The following MS4A1 variants were observed in gnomAD, a reference collection of about 807,000 sequenced individuals.
MS4A1 encodes the protein membrane spanning 4-domains A1.
A neutral mutation model predicts 26.5 loss-of-function variants in MS4A1; 16 were observed. That is an observed-to-expected ratio of 0.60 (90% CI 0.41 to 0.92). The LOEUF (loss-of-function observed/expected upper bound fraction) is 0.92. MS4A1 is among the 40% of genes least tolerant of loss of function. MS4A1 has a pLI of 0.00. For missense variants in MS4A1, 350 were observed against 353.0 expected, an observed-to-expected ratio of 0.99 and a Z score of 0.07; for synonymous variants, 128 against 117.6, an observed-to-expected ratio of 1.09 and a Z score of -0.57.
intron 1 of MS4A1, among the ~76,000 whole-genome samples, chr11:60,457,324 C>T (rs1190734330): frequency 6.6e-6 from 1 of 151,908 alleles, no homozygotes; most frequent in Non-Finnish European, 1.5e-5. Flanking sequence ...ATTCCAAAGG[C>T]CTTGAGGGGT....
chr11:60,462,000 C>T (rs573068366), intron 2 of MS4A1, among the ~76,000 whole-genome samples, 185 bp from the exon 3 acceptor site: 7 of 152,318 alleles, frequency 4.6e-5, no homozygotes, highest in African/African-American at 1.7e-4. Flanking sequence ...ATTGAAAATA[C>T]ATTTTTCAAT....
intron 1 of MS4A1, among the ~76,000 whole-genome samples, chr11:60,459,801 C>A (rs1251957315): frequency 6.6e-6 from 1 of 152,116 alleles, no homozygotes; most frequent in Non-Finnish European, 1.5e-5. Flanking sequence ...ACAGATAATA[C>A]TTTTCAACTG....
At chr11:60,459,824 T>C (rs1211271646) in intron 1 of MS4A1, among the ~76,000 whole-genome samples, 1 of 152,154 alleles carries the variant, frequency 6.6e-6, no homozygotes, top group Non-Finnish European at 1.5e-5. Context: ...TTATAGTCAT[T>C]CACATAGTGC....
At position 60,464,361 on chromosome 11, in the gene MS4A1, C is replaced by G. The variant is rs775881428; in HGVS notation, c.336+17C>G. The G allele has an allele frequency of 2.5e-6, 4 of 1,609,356 alleles. No individual in the cohort carries two copies. The Admixed American group carries it at 6.7e-5, about 27-fold the overall frequency. ...AAGTGTTTGGCAAGTAACCATATGT[C>G]CTTCTTTCCCACATGTCAGAGAAGT... is the stretch of plus-strand genomic sequence containing the variant. On this transcript the variant is annotated intron_variant, in intron 5 of 7. Transcript: ENST00000345732.
chr11:60,462,308 C>T lies in MS4A1; in HGVS notation c.-67C>T, dbSNP rs1158466516. 2 of 1,578,630 alleles carry T rather than the reference C, an allele frequency of 1.3e-6. No individual in the cohort carries two copies. Among genetic ancestry groups the T allele is most frequent in the African/African-American group, 1.3e-5 (1 of 74,314 alleles). ...AGATGCATGACACAAGGTAAGACTG[C>T]CAAAAATCTTGTTCTTGCTCTCCTC... On this transcript the variant is annotated 5_prime_UTR_variant, in exon 3 of 8. Coordinates refer to ENST00000345732, the MANE Select transcript of MS4A1 (RefSeq NM_152866.3).
In MS4A1 at chr11:60,470,018, G is replaced by A. The variant is rs1435669015; in HGVS notation, c.*1550G>A. 2 of 152,034 alleles carry A rather than the reference G, an allele frequency of 1.3e-5. No homozygotes were observed. The highest frequency in any genetic ancestry group is 2.4e-5 in the African/African-American group (1 of 41,432). 9.4% of individuals were successfully genotyped at this position (152,034 alleles called of 1,614,324 possible). On this transcript the variant is annotated 3_prime_UTR_variant, in exon 8 of 8. Coordinates refer to ENST00000345732, the MANE Select transcript of MS4A1 (RefSeq NM_152866.3). ...TGTCTATGTAAAGTTCTCAAAATTT[G>A]TTCTAAATTAATAAAACTATCTTTG...
In MS4A1 at chr11:60,468,257, T is replaced by C. The variant is rs2086311281; in HGVS notation, c.683T>C (p.Val228Ala). Residue 228 changes from valine to alanine, a missense_variant, in exon 8 of 8, where the codon GTT becomes GCT. Coordinates refer to ENST00000345732, the MANE Select transcript of MS4A1 (RefSeq NM_152866.3). ...TTTAATTTTCTGTTTTAGAACATAG[T>C]TCTCCTGTCAGCAGAAGAAAAAAAA... ...RTCSRPKSNI[V>A]LLSAEEKKEQ... 1.9e-6 allele frequency: 3 copies of C among 1,611,652 alleles called. No individual in the cohort carries two copies. The highest frequency in any genetic ancestry group is 2.5e-6 in the Non-Finnish European group (3 of 1,178,412).
At chr11:60,460,771 C>T (rs1350022617) in intron 1 of MS4A1, among the ~76,000 whole-genome samples, 1 of 149,058 alleles carries the variant, frequency 6.7e-6, no homozygotes, top group Admixed American at 7.8e-5. Flanking sequence ...TGGAAAGGGC[C>T]GTATTAATTG....
At position 60,468,777 on chromosome 11, in the gene MS4A1, T is replaced by A. The variant is rs574741004; in HGVS notation, c.*309T>A. On this transcript the variant is annotated 3_prime_UTR_variant, in exon 8 of 8. Coordinates refer to ENST00000345732, the MANE Select transcript of MS4A1 (RefSeq NM_152866.3). Reference sequence around the variant, plus strand: ...GGATAGGCTTTTTAGTATAGTATTTTTTTTTGTCATTTTCTCCATCAACAA... The same window carrying A: ...GGATAGGCTTTTTAGTATAGTATTTATTTTTGTCATTTTCTCCATCAACAA... 9 of 305,860 alleles carry A rather than the reference T, an allele frequency of 2.9e-5. No individual in the cohort carries two copies. The East Asian group carries it at 5.9e-4, about 20-fold the overall frequency. The allele number at this position is 305,860 out of a possible 1,614,324, so 18.9% of individuals were successfully genotyped here.
In MS4A1 at chr11:60,462,503, C is replaced by T; in HGVS notation, c.129C>T (p.Ser43=). 1 of 1,614,212 alleles carries T rather than the reference C, an allele frequency of 6.2e-7. No homozygotes were observed. Among genetic ancestry groups the T allele is most frequent in the South Asian group, 1.1e-5 (1 of 91,078 alleles). Residue 43 remains serine (S), a synonymous_variant, in exon 3 of 8, where the codon AGC becomes AGT. Transcript: ENST00000345732. The part of the protein sequence containing the change: ...RMSSLVGPTQ[S]FFMRESKTLG... ...CTTCACTGGTGGGCCCCACGCAAAG[C>T]TTCTTCATGAGGGAATCTAAGACTT...
chr11:60,458,739 A>C (rs973859444), intron 1 of MS4A1, among the ~76,000 whole-genome samples: 2 of 152,206 alleles, frequency 1.3e-5, no homozygotes, highest in African/African-American at 4.8e-5. Flanking sequence ...ATGGAACGAA[A>C]GCTTTTCATT....
chr11:60,467,178 A>G (rs1200373270), intron 7 of MS4A1, 118 bp downstream of exon 7: 1 of 866,858 alleles, frequency 1.2e-6, no homozygotes, highest in Admixed American at 2.1e-5. Flanking sequence ...TTTAAAAAAA[A>G]AAATTGGTCT....
chr11:60,457,390 A>G (rs1270426931), intron 1 of MS4A1, among the ~76,000 whole-genome samples: 1 of 152,214 alleles, frequency 6.6e-6, no homozygotes, highest in Non-Finnish European at 1.5e-5. Flanking sequence ...GTTCAGGCTC[A>G]GGAAGAGCAT....
chr11:60,461,968 GC>G (rs1350557341), intron 2 of MS4A1, among the ~76,000 whole-genome samples: 4 of 152,154 alleles, frequency 2.6e-5, no homozygotes, highest in Non-Finnish European at 1.5e-5. Context: ...AGGCAGATAA[GC>G]AAAAGGACAA....
intron 6 of MS4A1, 97 bp downstream of exon 6, chr11:60,466,254 G>A (rs2086290896): frequency 1.0e-6 from 1 of 982,694 alleles, no homozygotes; most frequent in African/African-American, 1.6e-5. Flanking sequence ...GACCACCTGA[G>A]TTTGCTAGTT....
chr11:60,467,843 T>TA (rs2135204572), intron 7 of MS4A1, among the ~76,000 whole-genome samples: 1 of 152,298 alleles, frequency 6.6e-6, no homozygotes, highest in South Asian at 2.1e-4. Flanking sequence ...ACCAGACTGT[T>TA]AGATTTAGAA....
At chr11:60,456,695 C>T (rs35454760) in intron 1 of MS4A1, among the ~76,000 whole-genome samples, 11,331 of 152,252 alleles carry the variant, frequency 0.074, 446 homozygotes, top group South Asian at 0.17. Flanking sequence ...AAGTGATTCC[C>T]TTTCCCTGTT....
Position 60,466,082 on chromosome 11 carries a change from C to A in MS4A1, c.498C>A (p.Asn166Lys). 1 of 1,613,984 alleles carries A rather than the reference C, an allele frequency of 6.2e-7. No individual in the cohort carries two copies. The highest frequency in any genetic ancestry group is 8.5e-7 in the Non-Finnish European group (1 of 1,179,868). Residue 166 changes from asparagine (N) to lysine (K), a missense_variant, in exon 6 of 8, where the codon AAC (asparagine) becomes AAA (lysine). By Grantham distance (94) the Asn-to-Lys change is moderately conservative (BLOSUM62 0). Coordinates refer to ENST00000345732, the MANE Select transcript of MS4A1 (RefSeq NM_152866.3). ...ACACACCATATATTAACATATACAA[C>A]TGTGAACCAGCTAATCCCTCTGAGA... The part of the protein sequence containing the change: ...RAHTPYINIY[N>K]CEPANPSEKN...
chr11:60,468,660 G>A lies in MS4A1; in HGVS notation c.*192G>A, dbSNP rs2135205933. 1.6e-6 allele frequency: 1 copy of A among 620,702 alleles called. No individual in the cohort carries two copies. Among genetic ancestry groups the A allele is most frequent in the Non-Finnish European group, 2.8e-6 (1 of 353,396 alleles). 38.4% of individuals were successfully genotyped at this position (620,702 alleles called of 1,614,324 possible). ...GAATGTAGCCATTGTAGCAGCTTGT[G>A]TTGTCACGCTTCTTCTTTTGAGCAA... On this transcript the variant is annotated 3_prime_UTR_variant, in exon 8 of 8. Coordinates refer to ENST00000345732, the MANE Select transcript of MS4A1 (RefSeq NM_152866.3).
Sources: allele counts gnomAD v4.1 joint callset (sites outside exome capture counted in the v4.1 genomes callset), GRCh38; gene constraint gnomAD v4.1.1; transcripts MANE v1.5; gene names NCBI Gene and HGNC (gene_info 2026-07-23, HGNC 2026-07-21).